Variants in EEFSEC observed in about 807,000 individuals in gnomAD.
EEFSEC encodes the protein eukaryotic elongation factor, selenocysteine-tRNA specific.
Under a neutral mutation model 42.1 loss-of-function variants are expected in EEFSEC, and 43 were observed. The observed-to-expected ratio is 1.02, with a 90% CI of 0.80 to 1.32. The LOEUF is 1.32. Among genes scored for constraint, EEFSEC ranks in the 40% most tolerant of loss-of-function variants. The probability of loss-of-function intolerance (pLI) is 0.00; values close to 1 mark genes in which losing one functional copy is unlikely to be tolerated. For missense variants in EEFSEC, 745 were observed against 803.6 expected, an observed-to-expected ratio of 0.93 and a Z score of 0.88; for synonymous variants, 354 against 339.1, an observed-to-expected ratio of 1.04 and a Z score of -0.48.
At chr3:128,184,181 CAT>C (rs1470539435) in intron 1 of EEFSEC, among the ~76,000 whole-genome samples, 1 of 152,184 alleles carries the variant, frequency 6.6e-6, no homozygotes, top group East Asian at 1.9e-4. Flanking sequence ...ATTGTGATAA[CAT>C]ATTCATAATA....
chr3:128,403,447 G>A (rs557428173), intron 6 of EEFSEC, among the ~76,000 whole-genome samples: 47 of 152,334 alleles, frequency 3.1e-4, no homozygotes, highest in African/African-American at 8.4e-4. Flanking sequence ...GGGTGGCAGA[G>A]CAGGCCCTGT....
chr3:128,383,291 A>G (rs1324114314), intron 6 of EEFSEC, among the ~76,000 whole-genome samples: 1 of 152,244 alleles, frequency 6.6e-6, no homozygotes, highest in Non-Finnish European at 1.5e-5. Context: ...CCCCTGGAAC[A>G]GGGCCCAGGG....
At position 128,404,038 on chromosome 3, in the gene EEFSEC, GT is replaced by G. The variant is rs2068080776; in HGVS notation, c.1601-4029del. 2.0e-5 allele frequency among the ~76,000 whole-genome samples: 3 copies of G among 152,248 alleles called. No individual in the cohort carries two copies. The South Asian group carries it at 6.2e-4, about 32-fold the overall frequency. ...TTTAAGTGAAAAGGCACAGAGGCAG[GT>G]TGCGAGAAGCAGAGAGTGGGACCCG... is the stretch of plus-strand genomic sequence containing the variant. On this transcript the variant is annotated intron_variant, in intron 6 of 6. Coordinates refer to ENST00000254730, the MANE Select transcript of EEFSEC (RefSeq NM_021937.5).
chr3:128,227,758 G>A (rs1240034566), intron 1 of EEFSEC, among the ~76,000 whole-genome samples: 2 of 152,130 alleles, frequency 1.3e-5, no homozygotes, highest in Non-Finnish European at 2.9e-5. Flanking sequence ...TTGGATGAGA[G>A]TTCCTTGACC....
intron 5 of EEFSEC, among the ~76,000 whole-genome samples, chr3:128,351,044 G>A (rs1318578613): frequency 2.6e-5 from 4 of 152,204 alleles, no homozygotes; most frequent in Non-Finnish European, 5.9e-5. Context: ...CAGCCTCTGA[G>A]TTCTTCCCAT....
chr3:128,381,429 G>A (rs942359969), intron 6 of EEFSEC, among the ~76,000 whole-genome samples: 8 of 152,196 alleles, frequency 5.3e-5, no homozygotes, highest in African/African-American at 1.9e-4. Flanking sequence ...AACTGGCTTT[G>A]GGGGCTGGGC....
At chr3:128,423,804 TG>T in the EEFSEC span, among the ~76,000 whole-genome samples, 1 of 152,152 alleles carries the variant, frequency 6.6e-6, no homozygotes, top group African/African-American at 2.4e-5. Context: ...ACACTTTAAG[TG>T]GGGGAACTTT....
intron 4 of EEFSEC, among the ~76,000 whole-genome samples, chr3:128,282,163 C>A (rs1201064062): frequency 6.6e-6 from 1 of 152,246 alleles, no homozygotes; most frequent in East Asian, 1.9e-4. Flanking sequence ...CTGCTGTGAG[C>A]AGAGTTCTCA....
chr3:128,244,459 A>C (rs1182295144), intron 1 of EEFSEC, among the ~76,000 whole-genome samples: 1 of 148,452 alleles, frequency 6.7e-6, no homozygotes, highest in Non-Finnish European at 1.5e-5. Flanking sequence ...TCCCACAGCC[A>C]CATTGGGGAG....
At chr3:128,218,244 T>C (rs1215091914) in intron 1 of EEFSEC, among the ~76,000 whole-genome samples, 3 of 152,194 alleles carry the variant, frequency 2.0e-5, no homozygotes, top group Non-Finnish European at 4.4e-5. Context: ...TGTATAGGCC[T>C]CTTCAGTTGG....
chr3:128,168,087 A>G (rs1576513033), intron 1 of EEFSEC, among the ~76,000 whole-genome samples: 1 of 152,196 alleles, frequency 6.6e-6, no homozygotes, highest in Non-Finnish European at 1.5e-5. Context: ...GAGGAAGGGT[A>G]TTAATTCAGA....
At chr3:128,376,422 G>A (rs2067711091) in intron 6 of EEFSEC, among the ~76,000 whole-genome samples, 1 of 152,124 alleles carries the variant, frequency 6.6e-6, no homozygotes. Flanking sequence ...CAGCATTCTG[G>A]GCCAGCTTCG....
At chr3:128,335,922 C>A (rs1473730323) in intron 4 of EEFSEC, among the ~76,000 whole-genome samples, 1 of 152,230 alleles carries the variant, frequency 6.6e-6, no homozygotes, top group East Asian at 1.9e-4. Flanking sequence ...TTTCCCCTGA[C>A]ATCAGAGCGT....
In EEFSEC at chr3:128,310,975, AC is replaced by A. The variant is rs1486657259; in HGVS notation, c.787-30257del. On this transcript the variant is annotated intron_variant, in intron 4 of 6. Transcript: ENST00000254730. The stretch of plus-strand genomic sequence containing the variant: ...CAACATTCTGTGTGGGGAAAGGCCC[AC>A]TTGATAAAACTGTTTGGTTTTACTT... Among the ~76,000 whole-genome samples, 3 of 152,196 alleles carry A rather than the reference AC, an allele frequency of 2.0e-5. No individual in the cohort carries two copies. The East Asian group carries it at 5.8e-4, about 29-fold the overall frequency.
At chr3:128,371,657 G>T (rs753462946) in intron 6 of EEFSEC, among the ~76,000 whole-genome samples, 1 of 152,330 alleles carries the variant, frequency 6.6e-6, no homozygotes, top group Non-Finnish European at 1.5e-5. Flanking sequence ...GGGCAGAGGG[G>T]CAGGATGCAC....
At chr3:128,380,503 C>G (rs1300415555) in intron 6 of EEFSEC, among the ~76,000 whole-genome samples, 1 of 152,190 alleles carries the variant, frequency 6.6e-6, no homozygotes, top group African/African-American at 2.4e-5. Context: ...CTCCACCATG[C>G]TCTCTTCGGC....
intron 1 of EEFSEC, among the ~76,000 whole-genome samples, chr3:128,182,873 G>A (rs545240216): frequency 8.4e-6 from 1 of 118,726 alleles, no homozygotes; most frequent in Non-Finnish European, 1.7e-5. Context: ...ACCAGCCACA[G>A]AGATCGGGGC....
At chr3:128,244,243 G>C (rs933275930) in intron 1 of EEFSEC, among the ~76,000 whole-genome samples, 1 of 152,248 alleles carries the variant, frequency 6.6e-6, no homozygotes, top group East Asian at 1.9e-4. Context: ...CCAGTTCCCA[G>C]ATTTACTGAT....
intron 4 of EEFSEC, among the ~76,000 whole-genome samples, chr3:128,333,262 C>T (rs1053010509): frequency 2.6e-5 from 4 of 152,246 alleles, no homozygotes; most frequent in Non-Finnish European, 5.9e-5. Context: ...TTACCTGCTT[C>T]ACTCAAGCAT....
Sources: allele counts gnomAD v4.1 joint callset (sites outside exome capture counted in the v4.1 genomes callset), GRCh38; gene constraint gnomAD v4.1.1; transcripts MANE v1.5; gene names NCBI Gene and HGNC (gene_info 2026-07-23, HGNC 2026-07-21).